The following PCDHGB5 variants were observed in gnomAD, a reference collection of about 807,000 sequenced individuals.
The protein encoded by PCDHGB5 is protocadherin gamma subfamily B, 5.
PCDHGB5 carries 48 observed loss-of-function variants against 62.9 expected under a neutral mutation model. The observed-to-expected ratio is 0.76, with a 90% CI of 0.61 to 0.97. The LOEUF is 0.97. Ranked by LOEUF, PCDHGB5 falls within the 50% of genes least tolerant of loss-of-function variation. PCDHGB5 has a pLI of 0.00. For missense variants in PCDHGB5, 1,118 were observed against 1,198.6 expected, an observed-to-expected ratio of 0.93 and a Z score of 0.99; for synonymous variants, 474 against 511.2, an observed-to-expected ratio of 0.93 and a Z score of 0.98.
In PCDHGB5 at chr5:141,432,021, C is replaced by G. The variant is rs746940912; in HGVS notation, c.2397+31497C>G. 1.9e-5 allele frequency: 30 copies of G among 1,614,076 alleles called. No individual in the cohort carries two copies. The highest frequency in any genetic ancestry group is 2.7e-5 in the African/African-American group (2 of 74,922). Reference sequence around the variant, plus strand: ...GAACAGGTTCCTAGCTACAACATCACAGTGACCGCCACTGACCGGGGAACC... The same window carrying G: ...GAACAGGTTCCTAGCTACAACATCAGAGTGACCGCCACTGACCGGGGAACC... On this transcript the variant is annotated intron_variant, in intron 1 of 3. Transcript: ENST00000617380. The surrounding 1 kb of genome is among the most constrained non-coding windows in gnomAD (Gnocchi z 6.0).
intron 2 of PCDHGB5, among the ~76,000 whole-genome samples, chr5:141,496,592 T>G (rs948403662): frequency 6.6e-6 from 1 of 152,136 alleles, no homozygotes; most frequent in African/African-American, 2.4e-5. Context: ...GCAAAGCGCT[T>G]CTTAGAAGGC....
Position 141,490,509 on chromosome 5 carries a change from G to A in PCDHGB5, c.2398-4298G>A. 6.2e-7 allele frequency: 1 copy of A among 1,614,072 alleles called. No individual in the cohort carries two copies. On this transcript the variant is annotated intron_variant, in intron 1 of 3. Transcript: ENST00000617380. The surrounding 1 kb of genome is among the most constrained non-coding windows in gnomAD (Gnocchi z 5.4). ...AGGCCACATCCCACTATATCATCGA[G>A]CTGCTGGCCAGCGATGCTGGTTCAC...
chr5:141,409,868 A>C (rs2095328786), intron 1 of PCDHGB5: 2 of 1,612,688 alleles, frequency 1.2e-6, no homozygotes, highest in Admixed American at 1.7e-5. Flanking sequence ...GGGAGACCGC[A>C]ATGACAACGC....
Position 141,431,325 on chromosome 5 carries a change from G to GT in PCDHGB5, c.2397+30802dup, listed in dbSNP as rs1340996903. On this transcript the variant is annotated intron_variant, in intron 1 of 3. Transcript: ENST00000617380. This position sits in a 1 kb window ranked among gnomAD's most constrained non-coding sequence, Gnocchi z 4.8. ...ATCGTGCAAAATGGAGCCGACGGTA[G>GT]TAAGTACCCCGAATTGGTGCTGAAA... 22 of 1,614,028 alleles carry GT rather than the reference G, an allele frequency of 1.4e-5. No homozygotes were observed. In the Admixed American group the frequency reaches 2.5e-4, roughly 18 times the overall value.
Position 141,409,704 on chromosome 5 carries a change from T to C in PCDHGB5, c.2397+9180T>C. ...GCGAGTGACCTAGAGCCCCTGGCGG[T>C]GTCGTCATACGTGTCAGTGAGCGCG... On this transcript the variant is annotated intron_variant, in intron 1 of 3. Transcript: ENST00000617380. 6.2e-7 allele frequency: 1 copy of C among 1,613,248 alleles called. No homozygotes were observed. Among genetic ancestry groups the C allele is most frequent in the South Asian group, 1.1e-5 (1 of 91,072 alleles).
chr5:141,492,425 C>T (rs1243599547), intron 1 of PCDHGB5, among the ~76,000 whole-genome samples: 1 of 152,254 alleles, frequency 6.6e-6, no homozygotes, highest in Non-Finnish European at 1.5e-5. Flanking sequence ...CTCCGCCGGG[C>T]TCAGGAGTAC....
Position 141,487,535 on chromosome 5 carries a change from G to A in PCDHGB5, c.2398-7272G>A. 6.2e-7 allele frequency: 1 copy of A among 1,614,154 alleles called. No individual in the cohort carries two copies. Among genetic ancestry groups the A allele is most frequent in the South Asian group, 1.1e-5 (1 of 91,084 alleles). ...CACTCGGAGTGATAGCTTCATGATG[G>A]TGAAGTCACCCAGTGCACCTATGGC... On this transcript the variant is annotated intron_variant, in intron 1 of 3. Transcript: ENST00000617380. This position sits in a 1 kb window ranked among gnomAD's most constrained non-coding sequence, Gnocchi z 5.0.
Position 141,487,007 on chromosome 5 carries a change from G to A in PCDHGB5, c.2398-7800G>A, listed in dbSNP as rs563548715. The A allele has an allele frequency of 3.1e-6, 5 of 1,614,206 alleles. No homozygotes were observed. In the South Asian group the frequency reaches 5.5e-5, roughly 18 times the overall value. ...TGCTTGGGTTTCCTATCAGCTCCTGGAGGCCCCAGATCCCAGCCTGTTTGC... is the reference window on the plus strand; with the variant it reads ...TGCTTGGGTTTCCTATCAGCTCCTGAAGGCCCCAGATCCCAGCCTGTTTGC... On this transcript the variant is annotated intron_variant, in intron 1 of 3. Transcript: ENST00000617380. This position sits in a 1 kb window ranked among gnomAD's most constrained non-coding sequence, Gnocchi z 5.0.
chr5:141,418,867 A>T, intron 1 of PCDHGB5: 1 of 1,613,968 alleles, frequency 6.2e-7, no homozygotes, highest in Non-Finnish European at 8.5e-7. Context: ...TAATTGTAGA[A>T]GTTGTAGACG....
chr5:141,505,911 A>C (rs2099849083), intron 3 of PCDHGB5, among the ~76,000 whole-genome samples: 1 of 152,154 alleles, frequency 6.6e-6, no homozygotes, highest in South Asian at 2.1e-4. Flanking sequence ...CAAAGCATAG[A>C]GTTCTGGGCC....
rs1041367498 is a variant in PCDHGB5 at position 141,489,060 on chromosome 5, T to G, written c.2398-5747T>G. ...CAGCTCCACTCAAATTCAGCTCCCCTCCCCCCTGCCCACCCCCGCCACTCG... is the reference window on the plus strand; with the variant it reads ...CAGCTCCACTCAAATTCAGCTCCCCGCCCCCCTGCCCACCCCCGCCACTCG... On this transcript the variant is annotated intron_variant, in intron 1 of 3. Transcript: ENST00000617380. This position sits in a 1 kb window ranked among gnomAD's most constrained non-coding sequence, Gnocchi z 4.5. The G allele has an allele frequency of 1.7e-5, 5 of 300,224 alleles. No individual in the cohort carries two copies. The highest frequency in any genetic ancestry group is 2.4e-5 in the African/African-American group (1 of 42,484). The allele number at this position is 300,224 out of a possible 1,614,324, so 18.6% of individuals were successfully genotyped here.
rs1349189547 is a variant in PCDHGB5 at position 141,432,777 on chromosome 5, C to A, written c.2397+32253C>A. 1.2e-6 allele frequency: 2 copies of A among 1,614,154 alleles called. No individual in the cohort carries two copies. The highest frequency in any genetic ancestry group is 1.3e-5 in the African/African-American group (1 of 75,062). ...GCCGACAGCATCCCCCAAGTCCTGGCGGACCTCGGCAGCCTCGAGTCTCCA... is the reference window on the plus strand; with the variant it reads ...GCCGACAGCATCCCCCAAGTCCTGGAGGACCTCGGCAGCCTCGAGTCTCCA... On this transcript the variant is annotated intron_variant, in intron 1 of 3. Transcript: ENST00000617380. This position sits in a 1 kb window ranked among gnomAD's most constrained non-coding sequence, Gnocchi z 6.0.
rs766227340 is a variant in PCDHGB5, at chr5:141,476,791, C to T, written c.2398-18016C>T. On this transcript the variant is annotated intron_variant, in intron 1 of 3. Transcript: ENST00000617380. The surrounding 1 kb of genome is among the most constrained non-coding windows in gnomAD (Gnocchi z 7.6). ...TGGACGGAGGGACCCCAGCTCTCTCCGCCAGCCTGCCTATTCACATCAAGG... is the reference window on the plus strand; with the variant it reads ...TGGACGGAGGGACCCCAGCTCTCTCTGCCAGCCTGCCTATTCACATCAAGG... 5.6e-6 allele frequency: 9 copies of T among 1,613,394 alleles called. No homozygotes were observed. Among genetic ancestry groups the T allele is most frequent in the Middle Eastern group, 1.6e-4 (1 of 6,084 alleles).
chr5:141,488,714 A>G (rs2099678684), intron 1 of PCDHGB5, among the ~76,000 whole-genome samples: 1 of 152,192 alleles, frequency 6.6e-6, no homozygotes, highest in Non-Finnish European at 1.5e-5. Flanking sequence ...TGGTTCAAGC[A>G]AAGTGGTGGA....
At chr5:141,510,402 G>A (rs2099880998) in intron 3 of PCDHGB5, among the ~76,000 whole-genome samples, 1 of 152,008 alleles carries the variant, frequency 6.6e-6, no homozygotes, top group African/African-American at 2.4e-5. Flanking sequence ...GCAAAGGCTA[G>A]GGGCATGTAA....
rs367731612 is a variant in PCDHGB5, at chr5:141,419,406, C to T, written c.2397+18882C>T. The T allele has an allele frequency of 6.5e-5, 105 of 1,613,522 alleles. 1 individual carries two copies. The South Asian group carries it at 1.0e-3, about 16-fold the overall frequency. Reference sequence around the variant, plus strand: ...AGCGCGCAGAGCGGGGTGGTGTTCGCGCAGCGCGCCTTCGACCACGAGCAG... The same window carrying T: ...AGCGCGCAGAGCGGGGTGGTGTTCGTGCAGCGCGCCTTCGACCACGAGCAG... On this transcript the variant is annotated intron_variant, in intron 1 of 3. Transcript: ENST00000617380.
At chr5:141,412,934 G>A (rs1232539262) in intron 1 of PCDHGB5, 1 of 453,932 alleles carries the variant, frequency 2.2e-6, no homozygotes, top group African/African-American at 2.0e-5. Context: ...TAACTTCTTA[G>A]GACTCTGAGC....
Position 141,400,778 on chromosome 5 carries a change from T to A in PCDHGB5, c.2397+254T>A, listed in dbSNP as rs1589424490. ...TCTCTAGCAAAAACATTTGGTGCGT[T>A]TTTTTGTCCTCTTTCTCAAAGCTAA... On this transcript the variant is annotated intron_variant, in intron 1 of 3. Coordinates refer to ENST00000617380, the MANE Select transcript of PCDHGB5 (RefSeq NM_018925.3). 6 of 568,120 alleles carry A rather than the reference T, an allele frequency of 1.1e-5. No individual in the cohort carries two copies. The East Asian group carries it at 1.7e-4, about 16-fold the overall frequency. 35.2% of individuals were successfully genotyped at this position (568,120 alleles called of 1,614,324 possible).
chr5:141,480,240 CA>C lies in PCDHGB5; in HGVS notation c.2398-14552del, dbSNP rs11374694. 4.6e-3 allele frequency among the ~76,000 whole-genome samples: 522 copies of C among 113,846 alleles called. 1 individual carries two copies. Among genetic ancestry groups the C allele is most frequent in the Non-Finnish European group, 5.4e-3 (287 of 52,954 alleles). 74.7% of individuals were successfully genotyped at this position (113,846 alleles called of 152,430 possible). A position where few individuals can be genotyped will look rare whatever the true frequency, so the allele number is the denominator to read the frequency against. ...GCGACATAGTGAGATCCTGTCTCTACAAAAAAAAAAAAAAATGTGTTTTCAT... is the reference window on the plus strand; with the variant it reads ...GCGACATAGTGAGATCCTGTCTCTACAAAAAAAAAAAAAATGTGTTTTCAT... On this transcript the variant is annotated intron_variant, in intron 1 of 3. Coordinates refer to ENST00000617380, the MANE Select transcript of PCDHGB5 (RefSeq NM_018925.3).
Sources: gnomAD v4.1 joint callset for allele counts (sites outside exome capture counted in the v4.1 genomes callset) on GRCh38, gnomAD v4.1.1 for gene constraint, Gnocchi (gnomAD v3.1) non-coding constraint, MANE v1.5 for transcripts, NCBI Gene and HGNC (gene_info 2026-07-23, HGNC 2026-07-21) for gene names.